Variants in PSEN1 observed in about 807,000 individuals in gnomAD.
The protein encoded by PSEN1 is presenilin-1.
PSEN1 carries 15 observed loss-of-function variants against 53.5 expected under a neutral mutation model. The ratio of observed to expected loss-of-function variants is 0.28; its 90% CI spans 0.19 to 0.43. The LOEUF is 0.43. Ranked by LOEUF, PSEN1 falls within the 20% of genes least tolerant of loss-of-function variation. The pLI is 1.00. For synonymous variants in PSEN1, 208 were observed against 209.8 expected (o/e 0.99, Z 0.08); for missense variants, 387 against 571.2 (o/e 0.68, Z 3.29).
chr14:73,145,777 C>G (rs1477777334), intron 1 of PSEN1, among the ~76,000 whole-genome samples: 4 of 152,182 alleles, frequency 2.6e-5, no homozygotes, highest in Non-Finnish European at 5.9e-5. Context: ...CAGGGACCGT[C>G]TGTATTGTGA....
In PSEN1 at chr14:73,170,986, A is replaced by T. The variant is rs146855665; in HGVS notation, c.277A>T (p.Met93Leu). 1 of 1,614,110 alleles carries T rather than the reference A, an allele frequency of 6.2e-7. No individual in the cohort carries two copies. Among genetic ancestry groups the T allele is most frequent in the African/African-American group, 1.3e-5 (1 of 74,930 alleles). ...IMLFVPVTLCMVVVVATIKSV... is the reference protein window; with the variant it reads ...IMLFVPVTLCLVVVVATIKSV... ...GCTCTTTGTCCCTGTGACTCTCTGC[A>T]TGGTGGTGGTCGTGGCTACCATTAA... is the stretch of plus-strand genomic sequence containing the variant. The change falls in exon 4 of 12, where the codon ATG becomes TTG. Residue 93 changes from methionine to leucine, a missense_variant. Coordinates refer to ENST00000324501, the MANE Select transcript of PSEN1 (RefSeq NM_000021.4).
chr14:73,198,026 T>C lies in PSEN1; in HGVS notation c.770-5T>C. The C allele has an allele frequency of 6.4e-7, 1 of 1,565,096 alleles. No homozygotes were observed. The highest frequency in any genetic ancestry group is 8.8e-7 in the Non-Finnish European group (1 of 1,136,286). On this transcript the variant is annotated splice_polypyrimidine_tract_variant and splice_region_variant and intron_variant, in intron 7 of 11. Coordinates refer to ENST00000324501, the MANE Select transcript of PSEN1 (RefSeq NM_000021.4). ...TAGATGTCTTTTATGTTTTTCTTTTTCTAGATTTAGTGGCTGTTTTGTGTC... is the reference window on the plus strand; with the variant it reads ...TAGATGTCTTTTATGTTTTTCTTTTCCTAGATTTAGTGGCTGTTTTGTGTC...
At chr14:73,205,313 A>T (rs1436317630) in intron 8 of PSEN1, among the ~76,000 whole-genome samples, 1 of 151,230 alleles carries the variant, frequency 6.6e-6, no homozygotes, top group Non-Finnish European at 1.5e-5. Flanking sequence ...CACCTCTACT[A>T]AAAAAAATAC....
chr14:73,146,286 C>T (rs536966268), intron 1 of PSEN1, among the ~76,000 whole-genome samples: 58 of 150,312 alleles, frequency 3.9e-4, no homozygotes, highest in African/African-American at 1.3e-3. Flanking sequence ...TTCCTGGACT[C>T]AAGCCATCCC....
intron 5 of PSEN1, among the ~76,000 whole-genome samples, chr14:73,184,097 G>C (rs1250071951): frequency 8.1e-6 from 1 of 123,430 alleles, no homozygotes; most frequent in East Asian, 2.4e-4. Flanking sequence ...CTGGCCGGGC[G>C]GGGGGCTGAC....
intron 10 of PSEN1, among the ~76,000 whole-genome samples, chr14:73,216,487 G>C (rs577543709): frequency 3.9e-5 from 6 of 152,104 alleles, no homozygotes; most frequent in Non-Finnish European, 8.8e-5. Flanking sequence ...TAGGCCATGT[G>C]TGGTGGCTCA....
intron 4 of PSEN1, among the ~76,000 whole-genome samples, chr14:73,172,399 T>C (rs362359): frequency 0.03 from 4,619 of 152,296 alleles, 233 homozygotes; most frequent in African/African-American, 0.11. Context: ...TTGAAGAATA[T>C]TATCCATATA....
Position 73,170,967 on chromosome 14 carries a change from T to C in PSEN1, c.258T>C (p.Phe86=). 6.2e-7 allele frequency: 1 copy of C among 1,614,250 alleles called. No homozygotes were observed. Among genetic ancestry groups the C allele is most frequent in the Non-Finnish European group, 8.5e-7 (1 of 1,180,054 alleles). Residue 86 remains phenylalanine (F), a synonymous_variant, in exon 4 of 12, where the codon TTT becomes TTC. Coordinates refer to ENST00000324501, the MANE Select transcript of PSEN1 (RefSeq NM_000021.4). ...KYGAKHVIML[F]VPVTLCMVVV... is the part of the protein sequence containing the mutation. ...GCGCCAAGCATGTGATCATGCTCTTTGTCCCTGTGACTCTCTGCATGGTGG... is the reference window on the plus strand; with the variant it reads ...GCGCCAAGCATGTGATCATGCTCTTCGTCCCTGTGACTCTCTGCATGGTGG...
At chr14:73,186,768 C>T in intron 5 of PSEN1, 85 bp from the exon 6 acceptor site, 1 of 1,119,488 alleles carries the variant, frequency 8.9e-7, no homozygotes, top group African/African-American at 1.5e-5. Flanking sequence ...CAAAGTGAGA[C>T]CCTGTCTCAA....
intron 7 of PSEN1, among the ~76,000 whole-genome samples, chr14:73,194,988 G>T (rs1238591913): frequency 2.6e-5 from 4 of 152,266 alleles, no homozygotes; most frequent in African/African-American, 9.6e-5. Context: ...AACTGGTTCT[G>T]TTCTTGTATT....
At chr14:73,140,803 A>T (rs1896904274) in intron 1 of PSEN1, among the ~76,000 whole-genome samples, 1 of 152,206 alleles carries the variant, frequency 6.6e-6, no homozygotes, top group South Asian at 2.1e-4. Context: ...TTTCTGAGCC[A>T]ACATAACCAT....
chr14:73,213,892 T>A (rs1442907474), intron 10 of PSEN1, among the ~76,000 whole-genome samples: 1 of 152,150 alleles, frequency 6.6e-6, no homozygotes, highest in Non-Finnish European at 1.5e-5. Context: ...ACACTGCTGG[T>A]GGGAATGTAA....
intron 5 of PSEN1, among the ~76,000 whole-genome samples, chr14:73,185,314 C>T (rs1331146583): frequency 1.3e-5 from 2 of 152,138 alleles, no homozygotes; most frequent in Admixed American, 6.5e-5. Context: ...AGCCTGGGCA[C>T]CATTGAGCAC....
intron 8 of PSEN1, chr14:73,206,076 A>G (rs368122537): frequency 3.4e-5 from 12 of 357,988 alleles, no homozygotes; most frequent in African/African-American, 8.3e-5. Context: ...TAGTCCAGCT[A>G]TTGTTTCAGT....
chr14:73,160,066 C>T, intron 3 of PSEN1: 1 of 277,684 alleles, frequency 3.6e-6, no homozygotes, highest in Non-Finnish European at 8.0e-6. Flanking sequence ...TCAAGTAATC[C>T]TCCCACTTTG....
At chr14:73,160,131 T>A (rs1897485781) in intron 3 of PSEN1, 1 of 182,420 alleles carries the variant, frequency 5.5e-6, no homozygotes, top group Non-Finnish European at 1.2e-5. Flanking sequence ...GCTGGCTAGA[T>A]ATTTCATGTA....
At chr14:73,207,713 C>G (rs1899508536) in intron 9 of PSEN1, among the ~76,000 whole-genome samples, 1 of 152,220 alleles carries the variant, frequency 6.6e-6, no homozygotes, top group Non-Finnish European at 1.5e-5. Context: ...TGCTCAGGCC[C>G]ACTGGGCTCA....
intron 6 of PSEN1, chr14:73,189,822 G>A: frequency 3.9e-6 from 1 of 254,906 alleles, no homozygotes; most frequent in South Asian, 4.5e-5. Context: ...GCAGTGTGGA[G>A]AACATCTTGC....
chr14:73,213,796 C>T (rs1182481639), intron 10 of PSEN1, among the ~76,000 whole-genome samples: 1 of 152,090 alleles, frequency 6.6e-6, no homozygotes, highest in Non-Finnish European at 1.5e-5. Flanking sequence ...AAATCAAAAC[C>T]ACTTCATACT....
Sources: allele counts gnomAD v4.1 joint callset (sites outside exome capture counted in the v4.1 genomes callset), GRCh38; gene constraint gnomAD v4.1.1; transcripts MANE v1.5; gene names NCBI Gene and HGNC (gene_info 2026-07-23, HGNC 2026-07-21).